The following PODNL1 variants were observed in gnomAD, a reference collection of about 807,000 sequenced individuals.
PODNL1 encodes the protein podocan like 1.
PODNL1 carries 50 observed loss-of-function variants against 45.1 expected under a neutral mutation model. The observed-to-expected ratio is 1.11, with a 90% CI of 0.88 to 1.40. PODNL1 has a LOEUF of 1.40. Among genes scored for constraint, PODNL1 ranks in the 40% most tolerant of loss-of-function variants. The probability of loss-of-function intolerance (pLI) is 0.00; values close to 1 mark genes in which losing one functional copy is unlikely to be tolerated. For synonymous variants in PODNL1, 406 were observed against 372.5 expected (o/e 1.09, Z -1.04); for missense variants, 788 against 793.3 (o/e 0.99, Z 0.08).
chr19:13,932,006 T>C lies in PODNL1; in HGVS notation c.1532A>G (p.Glu511Gly), dbSNP rs1971974965. Residue 511 changes from glutamate to glycine, a missense_variant, in exon 9 of 10, where the codon GAG becomes GGG. Physicochemically the swap from Glu to Gly is moderately conservative, Grantham distance 98. This residue lies in a region of PODNL1 where 762 missense variants were observed against 750.9 expected (regional missense o/e 1.01). Transcript: ENST00000588872. ...EGNRIGHVGPEAFLSTPRLRA... is the reference protein window; with the variant it reads ...EGNRIGHVGPGAFLSTPRLRA... ...CAGGCGGGGTGTGCTGAGGAAGGCC[T>C]CGGGGCCCACGTGGCCGATGCGGTT... 8 of 1,231,960 alleles carry C rather than the reference T, an allele frequency of 6.5e-6. No individual in the cohort carries two copies. The South Asian group carries it at 3.3e-4, about 51-fold the overall frequency. 76.3% of individuals were successfully genotyped at this position (1,231,960 alleles called of 1,614,324 possible).
chr19:13,933,237 A>G lies in PODNL1; in HGVS notation c.986T>C (p.Leu329Pro). Residue 329 changes from leucine (L) to proline (P), a missense_variant, in exon 8 of 10, where the codon CTG becomes CCG. By Grantham distance (98) the Leu-to-Pro change is moderately conservative. Coordinates refer to ENST00000588872, the MANE Select transcript of PODNL1 (RefSeq NM_001370095.3). This position sits in a 1 kb window ranked among gnomAD's most constrained non-coding sequence, Gnocchi z 5.2. Reference protein sequence around the residue: ...SGLPAGALRPLRGLHTLHLYG... With the variant: ...SGLPAGALRPPRGLHTLHLYG... ...GAGGTGCAGCGTGTGCAGGCCCCGC[A>G]GCGGCCGCAGAGCCCCGGCGGGCAG... The G allele has an allele frequency of 6.5e-7, 1 of 1,543,090 alleles. No homozygotes were observed. The highest frequency in any genetic ancestry group is 1.4e-5 in the African/African-American group (1 of 73,566).
At chr19:13,948,723 G>T (rs912878834) in intron 1 of PODNL1, among the ~76,000 whole-genome samples, 1 of 130,734 alleles carries the variant, frequency 7.6e-6, no homozygotes, top group African/African-American at 2.9e-5. Context: ...GAGGTCAGGA[G>T]ATCAAGACCA....
upstream of PODNL1, among the ~76,000 whole-genome samples, chr19:13,941,394 CT>C (rs1972652276): frequency 6.6e-6 from 1 of 150,660 alleles, no homozygotes; most frequent in East Asian, 2.0e-4. Flanking sequence ...AGTATAGCGT[CT>C]GCTCAGCTTG....
chr19:13,937,872 G>C lies in PODNL1; in HGVS notation c.138C>G (p.Pro46=). 6.3e-7 allele frequency: 1 copy of C among 1,587,142 alleles called. No homozygotes were observed. The highest frequency in any genetic ancestry group is 1.8e-5 in the Admixed American group (1 of 54,500). ...CATCACAGTCCACAGTGTCGACTCG[G>C]GGGCAGGAGCAGCGCAGGGGACAGG... ...PRACPLRCSC[P]RVDTVDCDGL... The change falls in exon 2 of 10, where the codon CCC becomes CCG. Residue 46 remains proline, a synonymous_variant. Transcript: ENST00000588872.
intron 1 of PODNL1, among the ~76,000 whole-genome samples, chr19:13,944,770 T>G (rs7245645): frequency 0.014 from 2,046 of 151,424 alleles, 44 homozygotes; most frequent in African/African-American, 0.043. Flanking sequence ...GGGGTTTTTT[T>G]TTTGTTTGTT....
Position 13,932,851 on chromosome 19 carries a change from G to A in PODNL1, c.1372C>T (p.Leu458Phe), listed in dbSNP as rs779330576. The change falls in exon 8 of 10, where the codon CTC becomes TTC. Residue 458 changes from leucine to phenylalanine, a missense_variant. Physicochemically the swap from Leu to Phe is conservative, Grantham distance 22. This residue lies in a region of PODNL1 where 762 missense variants were observed against 750.9 expected (regional missense o/e 1.01). Coordinates refer to ENST00000588872, the MANE Select transcript of PODNL1 (RefSeq NM_001370095.3). The stretch of plus-strand genomic sequence containing the variant: ...CCTGGCCCGATGTCGCCGACCCGGA[G>A]CCGGTTGTGCGCCAGGCTGAGCTCC... ...LRELSLAHNR[L>F]RVGDIGPGTW... is the part of the protein sequence containing the mutation. The A allele has an allele frequency of 5.6e-6, 9 of 1,611,838 alleles. No individual in the cohort carries two copies. The East Asian group carries it at 2.0e-4, about 36-fold the overall frequency.
chr19:13,940,082 C>G (rs55750800), upstream of PODNL1: 3 of 151,808 alleles, frequency 2.0e-5, no homozygotes, highest in Non-Finnish European at 2.9e-5. Flanking sequence ...ACAAACCCCC[C>G]CCCTCAAAGA....
chr19:13,938,374 G>A lies in PODNL1; in HGVS notation c.-193C>T. The A allele has an allele frequency of 7.2e-7, 1 of 1,396,688 alleles. No homozygotes were observed. 86.5% of individuals were successfully genotyped at this position (1,396,688 alleles called of 1,614,324 possible). ...CCCACCCCCTTCCCCGCCCTGGGGA[G>A]GACGGGCAGGCGGCCGGATGGGGTG... On this transcript the variant is annotated 5_prime_UTR_variant, in exon 1 of 10. Coordinates refer to ENST00000588872, the MANE Select transcript of PODNL1 (RefSeq NM_001370095.3).
At chr19:13,951,368 G>C (rs1973019784) in intron 1 of PODNL1, among the ~76,000 whole-genome samples, 1 of 152,136 alleles carries the variant, frequency 6.6e-6, no homozygotes, top group South Asian at 2.1e-4. Context: ...AGGGGTGGGG[G>C]CTCACACCTG....
In PODNL1 at chr19:13,937,889, G is replaced by A; in HGVS notation, c.121C>T (p.Leu41=). ...TCGACTCGGGGGCAGGAGCAGCGCA[G>A]GGGACAGGCCCGGGGCAGGGGCTGC... ...SLQPLPRACP[L]RCSCPRVDTV... is the part of the protein sequence containing the mutation. The change falls in exon 2 of 10, where the codon CTG becomes TTG. Residue 41 remains leucine (L), a synonymous_variant. Transcript: ENST00000588872. The A allele has an allele frequency of 6.3e-7, 1 of 1,578,192 alleles. No individual in the cohort carries two copies. Among genetic ancestry groups the A allele is most frequent in the Non-Finnish European group, 8.6e-7 (1 of 1,163,232 alleles).
At chr19:13,953,369 G>C (rs970049643) in exon 1 of PODNL1, 2 of 489,640 alleles carry the variant, frequency 4.1e-6, no homozygotes, top group African/African-American at 4.1e-5. Flanking sequence ...TTCTCCGTGA[G>C]GCTGGTAGCT....
chr19:13,937,931 G>C lies in PODNL1; in HGVS notation c.79C>G (p.His27Asp), dbSNP rs184726275. 3 of 1,552,134 alleles carry C rather than the reference G, an allele frequency of 1.9e-6. No individual in the cohort carries two copies. The highest frequency in any genetic ancestry group is 1.2e-5 in the South Asian group (1 of 84,338). ...AGGGGCTGCAAGCTCTCCCCCAGGT[G>C]GGGGAAGGCAGCGTCTTCCAAGCCG... ...VAGLEDAAFP[H>D]LGESLQPLPR... The change falls in exon 2 of 10, where the codon CAC becomes GAC. Residue 27 changes from histidine (H) to aspartate (D), a missense_variant. By Grantham distance (81) the His-to-Asp change is moderately conservative. Transcript: ENST00000588872.
Position 13,938,260 on chromosome 19 carries a change from G to A in PODNL1, c.-79C>T. 1 of 1,549,936 alleles carries A rather than the reference G, an allele frequency of 6.5e-7. No homozygotes were observed. The highest frequency in any genetic ancestry group is 8.7e-7 in the Non-Finnish European group (1 of 1,150,528). ...GGAAACCAGGCGGTCACCTCCTGGAGCCTCTGCTGTGGCCACCACCGCCCC... is the reference window on the plus strand; with the variant it reads ...GGAAACCAGGCGGTCACCTCCTGGAACCTCTGCTGTGGCCACCACCGCCCC... On this transcript the variant is annotated 5_prime_UTR_variant, in exon 1 of 10. Transcript: ENST00000588872.
In PODNL1 at chr19:13,935,722, T is replaced by C; in HGVS notation, c.493A>G (p.Arg165Gly). 1 of 1,559,022 alleles carries C rather than the reference T, an allele frequency of 6.4e-7. No homozygotes were observed. Among genetic ancestry groups the C allele is most frequent in the Non-Finnish European group, 8.6e-7 (1 of 1,156,638 alleles). Residue 165 changes from arginine to glycine, a missense_variant and splice_region_variant, in exon 5 of 10, where the codon AGG (arginine) becomes GGG (glycine). Arg to Gly is a moderately radical substitution (Grantham distance 125). Around this residue, in one of 3 missense-constraint regions of PODNL1, gnomAD observed 762 missense variants for 750.9 expected, o/e 1.01. Transcript: ENST00000588872. ...PLTFGEKPALRSVYLHNNQLS... is the reference protein window; with the variant it reads ...PLTFGEKPALGSVYLHNNQLS... The stretch of plus-strand genomic sequence containing the variant: ...GGCCTGGGCTGGGCCAGGGTCTACC[T>C]GAGTGCCGGCTTCTCCCCAAAGGTG...
upstream of PODNL1, among the ~76,000 whole-genome samples, chr19:13,939,357 G>A (rs147432486): frequency 5.9e-3 from 891 of 152,174 alleles, 2 homozygotes; most frequent in Middle Eastern, 0.014. Flanking sequence ...GATTACAGGC[G>A]CCTCCCACCA....
At position 13,936,486 on chromosome 19, in the gene PODNL1, A is replaced by C. The variant is rs746454101; in HGVS notation, c.226-26T>G. The C allele has an allele frequency of 3.2e-6, 5 of 1,578,620 alleles. No homozygotes were observed. In the African/African-American group the frequency reaches 6.8e-5, roughly 21 times the overall value. On this transcript the variant is annotated intron_variant, in intron 2 of 9. Transcript: ENST00000588872. Reference sequence around the variant, plus strand: ...CTGCAGGGTGAGAGTTGGGGTGTTCACACCCGTGACCCCGTGACCAAGTGA... The same window carrying C: ...CTGCAGGGTGAGAGTTGGGGTGTTCCCACCCGTGACCCCGTGACCAAGTGA...
rs1203442897 is a variant in PODNL1 at position 13,931,378 on chromosome 19, C to G, written c.*359G>C. 5 of 227,124 alleles carry G rather than the reference C, an allele frequency of 2.2e-5. No individual in the cohort carries two copies. The highest frequency in any genetic ancestry group is 1.3e-3 in the Middle Eastern group (1 of 756). The allele number at this position is 227,124 out of a possible 1,614,324, so 14.1% of individuals were successfully genotyped here. A position where few individuals can be genotyped will look rare whatever the true frequency, so the allele number is the denominator to read the frequency against. On this transcript the variant is annotated 3_prime_UTR_variant, in exon 10 of 10. Transcript: ENST00000588872. ...GACCTCAAAATTCAGTCCTGACCCA[C>G]TTAGCATCCCAGAGCCTCAGTTTCC...
Position 13,935,727 on chromosome 19 carries a change from G to A in PODNL1, c.488C>T (p.Ala163Val), listed in dbSNP as rs371954013. ...IFPLTFGEKPALRSVYLHNNQ... is the reference protein window; with the variant it reads ...IFPLTFGEKPVLRSVYLHNNQ... ...GGGCTGGGCCAGGGTCTACCTGAGT[G>A]CCGGCTTCTCCCCAAAGGTGAGGGG... Residue 163 changes from alanine (A) to valine (V), a missense_variant, in exon 5 of 10, where the codon GCA (alanine) becomes GTA (valine). Ala to Val is a moderately conservative substitution (Grantham distance 64). Coordinates refer to ENST00000588872, the MANE Select transcript of PODNL1 (RefSeq NM_001370095.3). 3 of 1,564,416 alleles carry A rather than the reference G, an allele frequency of 1.9e-6. No homozygotes were observed. The highest frequency in any genetic ancestry group is 2.6e-6 in the Non-Finnish European group (3 of 1,159,308).
chr19:13,938,795 T>C (rs1364687561), upstream of PODNL1, among the ~76,000 whole-genome samples: 1 of 143,228 alleles, frequency 7.0e-6, no homozygotes, highest in Non-Finnish European at 1.5e-5. Flanking sequence ...TGGAAGGAAA[T>C]TACATATATC....
Sources: allele counts gnomAD v4.1 joint callset (sites outside exome capture counted in the v4.1 genomes callset), GRCh38; gene constraint gnomAD v4.1.1; regional missense constraint gnomAD v4.1.1; non-coding constraint Gnocchi (gnomAD v3.1); transcripts MANE v1.5; gene names NCBI Gene and HGNC (gene_info 2026-07-23, HGNC 2026-07-21).